The following FMN1 variants were observed in gnomAD, a reference collection of about 807,000 sequenced individuals.
FMN1 encodes the protein formin-1.
A neutral mutation model predicts 132.4 loss-of-function variants in FMN1; 110 were observed. The ratio of observed to expected loss-of-function variants is 0.83; its 90% CI spans 0.71 to 0.97. FMN1 has a LOEUF of 0.97. Ranked by LOEUF, FMN1 falls within the 50% of genes least tolerant of loss-of-function variation. The pLI, the probability that FMN1 is intolerant of heterozygous loss-of-function variation, is 0.00. For synonymous variants in FMN1, 722 were observed against 651.7 expected, an observed-to-expected ratio of 1.11 and a Z score of -1.64; for missense variants, 1,792 against 1,705.3, an observed-to-expected ratio of 1.05 and a Z score of -0.90.
intron 4 of FMN1, among the ~76,000 whole-genome samples, chr15:33,108,475 T>C (rs369147036): frequency 2.0e-5 from 3 of 152,132 alleles, no homozygotes; most frequent in African/African-American, 4.8e-5. Context: ...AAAAAACAGC[T>C]TAAGTTATTA....
intron 7 of FMN1, among the ~76,000 whole-genome samples, chr15:32,997,893 A>C (rs2033871071): frequency 6.6e-6 from 1 of 152,222 alleles, no homozygotes; most frequent in South Asian, 2.1e-4. Flanking sequence ...GAAAAGACAC[A>C]AATGTAAATG....
rs2056037618 is a variant in FMN1 at position 32,766,132 on chromosome 15, G to C, written c.*8178C>G. 2 of 151,866 alleles carry C rather than the reference G, an allele frequency of 1.3e-5. No individual in the cohort carries two copies. Among genetic ancestry groups the C allele is most frequent in the African/African-American group, 4.9e-5 (2 of 41,198 alleles). 9.4% of individuals were successfully genotyped at this position (151,866 alleles called of 1,614,324 possible). A position where few individuals can be genotyped will look rare whatever the true frequency, so the allele number is the denominator to read the frequency against. ...CTTTTCAGATTATATCTACAGACTGGTCTAATACTTAATTAAACAGAAAAG... is the reference window on the plus strand; with the variant it reads ...CTTTTCAGATTATATCTACAGACTGCTCTAATACTTAATTAAACAGAAAAG... On this transcript the variant is annotated 3_prime_UTR_variant, in exon 21 of 21. Coordinates refer to ENST00000616417, the MANE Select transcript of FMN1 (RefSeq NM_001277313.2).
At chr15:32,807,013 C>T (rs1327508525) in intron 17 of FMN1, among the ~76,000 whole-genome samples, 1 of 152,176 alleles carries the variant, frequency 6.6e-6, no homozygotes, top group Non-Finnish European at 1.5e-5. Flanking sequence ...GCAGCTTCAC[C>T]TGGCTTGCTT....
chr15:33,098,079 G>A (rs990617439), intron 4 of FMN1, among the ~76,000 whole-genome samples: 7 of 152,142 alleles, frequency 4.6e-5, no homozygotes, highest in African/African-American at 1.2e-4. Context: ...AATTAAATTA[G>A]GTACTGATAA....
chr15:33,119,595 T>G (rs1277918326), intron 4 of FMN1, among the ~76,000 whole-genome samples: 1 of 152,210 alleles, frequency 6.6e-6, no homozygotes, highest in East Asian at 1.9e-4. Flanking sequence ...GCACTATTCT[T>G]GAAGAGCTTG....
chr15:32,892,731 T>G (rs1156445648), intron 15 of FMN1, among the ~76,000 whole-genome samples: 1 of 152,212 alleles, frequency 6.6e-6, no homozygotes, highest in Non-Finnish European at 1.5e-5. Context: ...ATCATTTAAT[T>G]CTTGCTGCTT....
intron 4 of FMN1, among the ~76,000 whole-genome samples, chr15:33,148,143 C>T (rs193117827): frequency 1.3e-5 from 2 of 152,110 alleles, no homozygotes; most frequent in African/African-American, 4.8e-5. Context: ...AAAACATATA[C>T]CCATATACCA....
chr15:32,990,766 C>A (rs180833810), intron 7 of FMN1, among the ~76,000 whole-genome samples: 1 of 152,126 alleles, frequency 6.6e-6, no homozygotes, highest in African/African-American at 2.4e-5. Flanking sequence ...AACTTACAGT[C>A]GTGGTGGAAG....
At chr15:32,983,548 T>A (rs1351009398) in intron 7 of FMN1, among the ~76,000 whole-genome samples, 1 of 152,206 alleles carries the variant, frequency 6.6e-6, no homozygotes, top group East Asian at 1.9e-4. Flanking sequence ...AAGATTGATA[T>A]TATAAGTGAA....
chr15:33,149,765 G>A, intron 4 of FMN1: 1 of 982,138 alleles, frequency 1.0e-6, no homozygotes, highest in Non-Finnish European at 1.2e-6. Flanking sequence ...GGCTGCATAT[G>A]TCTATTAATG....
intron 17 of FMN1, among the ~76,000 whole-genome samples, chr15:32,842,720 T>C (rs752103715): frequency 6.6e-6 from 1 of 152,086 alleles, no homozygotes; most frequent in Non-Finnish European, 1.5e-5. Flanking sequence ...TTTAGCAAGT[T>C]TGATGGGCAC....
intron 5 of FMN1, among the ~76,000 whole-genome samples, chr15:33,076,120 G>A (rs573410411): frequency 6.6e-6 from 1 of 152,326 alleles, no homozygotes; most frequent in African/African-American, 2.4e-5. Context: ...GCAGGGGGAT[G>A]AGGGTTGGTG....
intron 19 of FMN1, among the ~76,000 whole-genome samples, chr15:32,780,127 G>A (rs756444766): frequency 3.3e-4 from 50 of 152,172 alleles, no homozygotes; most frequent in Non-Finnish European, 6.3e-4. Flanking sequence ...GGATCAATAA[G>A]AGGACTGAGA....
chr15:33,066,625 G>A (rs372690103), intron 5 of FMN1: 2 of 1,613,802 alleles, frequency 1.2e-6, no homozygotes, highest in Non-Finnish European at 1.7e-6. Flanking sequence ...GCTCAGAGGT[G>A]TCAGCTGTGG....
intron 9 of FMN1, among the ~76,000 whole-genome samples, chr15:32,961,128 T>C (rs999417659): frequency 1.3e-5 from 2 of 151,750 alleles, no homozygotes; most frequent in Non-Finnish European, 1.5e-5. Context: ...GATTCAGATA[T>C]TGTTCATCTT....
chr15:33,035,237 CAACTAT>C (rs2141088706), intron 6 of FMN1, among the ~76,000 whole-genome samples: 1 of 152,250 alleles, frequency 6.6e-6, no homozygotes, highest in African/African-American at 2.4e-5. Flanking sequence ...ATATCCACAA[CAACTAT>C]AACGTGATGT....
chr15:33,010,976 G>C (rs1001432371), intron 6 of FMN1, among the ~76,000 whole-genome samples: 2 of 146,040 alleles, frequency 1.4e-5, no homozygotes, highest in Non-Finnish European at 3.0e-5. Flanking sequence ...TATTGTAAAG[G>C]TGTGAGTCTT....
Position 32,969,417 on chromosome 15 carries a change from G to C in FMN1, c.2284C>G (p.Leu762Val), listed in dbSNP as rs2140661656. 2 of 1,613,910 alleles carry C rather than the reference G, an allele frequency of 1.2e-6. No individual in the cohort carries two copies. Among genetic ancestry groups the C allele is most frequent in the East Asian group, 4.5e-5 (2 of 44,880 alleles). ...RGEHAMITAR[L>V]EETIENLKHE... ...TTCAGATTTTCAATGGTTTCTTCTA[G>C]TCTCGCTGTTATCATTGCATGCTCG... Residue 762 changes from leucine to valine, a missense_variant, in exon 8 of 21, where the codon CTA (leucine) becomes GTA (valine). Transcript: ENST00000616417.
In FMN1 at chr15:32,809,249, G is replaced by A. The variant is rs193298571; in HGVS notation, c.3929-4917C>T. On this transcript the variant is annotated intron_variant, in intron 17 of 20. Coordinates refer to ENST00000616417, the MANE Select transcript of FMN1 (RefSeq NM_001277313.2). ...TGATACAGGAGTCTTTTTTTGAGAG[G>A]TTAAGTTTTCTGAGAGCTAAGATTC... 2.8e-4 allele frequency among the ~76,000 whole-genome samples: 43 copies of A among 152,076 alleles called. 1 individual carries two copies. Among genetic ancestry groups the A allele is most frequent in the Admixed American group, 6.5e-4 (10 of 15,272 alleles).
Sources: allele counts gnomAD v4.1 joint callset (sites outside exome capture counted in the v4.1 genomes callset), GRCh38; gene constraint gnomAD v4.1.1; transcripts MANE v1.5; gene names NCBI Gene and HGNC (gene_info 2026-07-23, HGNC 2026-07-21).